Variants in PPARGC1A observed in about 807,000 individuals in gnomAD.
PPARGC1A encodes the protein PPARG coactivator 1 alpha, also known as peroxisome proliferator-activated receptor gamma coactivator 1-alpha.
A neutral mutation model predicts 88.7 loss-of-function variants in PPARGC1A; 25 were observed. The observed-to-expected ratio is 0.28, with a 90% CI of 0.21 to 0.39. PPARGC1A has a LOEUF of 0.39. PPARGC1A is among the 10% of genes least tolerant of loss of function. PPARGC1A has a pLI of 1.00. For synonymous variants in PPARGC1A, 363 were observed against 355.6 expected (o/e 1.02, Z -0.24); for missense variants, 880 against 968.7 (o/e 0.91, Z 1.22).
chr4:24,305,334 A>G, the PPARGC1A span, among the ~76,000 whole-genome samples: 12 of 152,040 alleles, frequency 7.9e-5, no homozygotes, highest in Admixed American at 2.0e-4. Context: ...AGAGTGAAAC[A>G]GATCTGTATT....
chr4:23,891,282 T>C (rs924257443), upstream of PPARGC1A, among the ~76,000 whole-genome samples: 1 of 152,220 alleles, frequency 6.6e-6, no homozygotes, highest in Admixed American at 6.5e-5. Context: ...TGTATCTGTG[T>C]GAATAAACAT....
the PPARGC1A span, among the ~76,000 whole-genome samples, chr4:24,153,486 AGC>A: frequency 6.6e-6 from 1 of 152,210 alleles, no homozygotes; most frequent in African/African-American, 2.4e-5. Flanking sequence ...AAGTATAAAT[AGC>A]AATTATCAGC....
At chr4:23,938,242 G>T in the PPARGC1A span, among the ~76,000 whole-genome samples, 1 of 152,134 alleles carries the variant, frequency 6.6e-6, no homozygotes, top group Non-Finnish European at 1.5e-5. Flanking sequence ...GGTATCTTGA[G>T]TAAGAATTGT....
the PPARGC1A span, among the ~76,000 whole-genome samples, chr4:24,447,767 A>G: frequency 1.2e-4 from 18 of 152,272 alleles, no homozygotes; most frequent in African/African-American, 4.3e-4. Flanking sequence ...TGCCCCATTT[A>G]GGTCCTAAAC....
the PPARGC1A span, among the ~76,000 whole-genome samples, chr4:23,931,426 C>T: frequency 4.0e-4 from 60 of 151,848 alleles, no homozygotes; most frequent in Middle Eastern, 3.4e-3. Context: ...TCTGTATCCC[C>T]GCCCTGACTT....
chr4:23,804,188 C>T lies in PPARGC1A; in HGVS notation c.2020-1843G>A, dbSNP rs528813206. Among the ~76,000 whole-genome samples, 30 of 152,254 alleles carry T rather than the reference C, an allele frequency of 2.0e-4. No individual in the cohort carries two copies. The South Asian group carries it at 4.4e-3, about 22-fold the overall frequency. On this transcript the variant is annotated intron_variant, in intron 10 of 12. Coordinates refer to ENST00000264867, the MANE Select transcript of PPARGC1A (RefSeq NM_013261.5). ...ACACTACACCAACATTACCGAAGCC[C>T]GACCCTCCAGCCTTGCCCTCTCCCC...
chr4:24,318,553 G>A, the PPARGC1A span, among the ~76,000 whole-genome samples: 3 of 152,248 alleles, frequency 2.0e-5, no homozygotes, highest in Middle Eastern at 3.4e-3. Context: ...GCATTCCTGC[G>A]GACAGTTTCA....
At chr4:24,097,833 G>T in the PPARGC1A span, among the ~76,000 whole-genome samples, 1 of 152,216 alleles carries the variant, frequency 6.6e-6, no homozygotes, top group East Asian at 1.9e-4. Context: ...AACCTGAACT[G>T]CAGTGACACC....
chr4:23,926,495 T>C, the PPARGC1A span, among the ~76,000 whole-genome samples: 3 of 152,192 alleles, frequency 2.0e-5, no homozygotes, highest in African/African-American at 4.8e-5. Flanking sequence ...CCTACCTTAG[T>C]GTCTATCATT....
At chr4:24,007,646 C>T in the PPARGC1A span, among the ~76,000 whole-genome samples, 1 of 152,140 alleles carries the variant, frequency 6.6e-6, no homozygotes, top group African/African-American at 2.4e-5. Flanking sequence ...GAGAAGGCCA[C>T]ATCCCTGGAG....
At chr4:24,171,140 G>T in the PPARGC1A span, among the ~76,000 whole-genome samples, 2 of 151,976 alleles carry the variant, frequency 1.3e-5, no homozygotes, top group African/African-American at 2.4e-5. Flanking sequence ...GGCCAGGCGC[G>T]GTGGCTCACG....
At chr4:24,394,644 G>C in the PPARGC1A span, among the ~76,000 whole-genome samples, 5 of 152,202 alleles carry the variant, frequency 3.3e-5, no homozygotes, top group Non-Finnish European at 7.3e-5. Flanking sequence ...TACCACGCTT[G>C]CACGCTGTAT....
chr4:23,952,070 T>C, the PPARGC1A span, among the ~76,000 whole-genome samples: 4 of 152,098 alleles, frequency 2.6e-5, no homozygotes, highest in South Asian at 8.3e-4. Context: ...TTGAGGCTAT[T>C]GTACAAACCA....
At chr4:24,108,455 A>C in the PPARGC1A span, among the ~76,000 whole-genome samples, 4 of 152,210 alleles carry the variant, frequency 2.6e-5, no homozygotes, top group Non-Finnish European at 5.9e-5. Context: ...GTATTATTAT[A>C]CTATACTAAT....
intron 2 of PPARGC1A, among the ~76,000 whole-genome samples, chr4:23,855,977 C>A (rs899868946): frequency 1.3e-5 from 2 of 152,158 alleles, no homozygotes; most frequent in Admixed American, 1.3e-4. Context: ...ACTTAATAAA[C>A]AATAATTGAA....
At chr4:24,069,623 C>T in the PPARGC1A span, among the ~76,000 whole-genome samples, 2 of 152,094 alleles carry the variant, frequency 1.3e-5, no homozygotes, top group Non-Finnish European at 2.9e-5. Context: ...AATATCTTCT[C>T]CAGAAGCCAC....
chr4:24,100,624 A>G, the PPARGC1A span, among the ~76,000 whole-genome samples: 1 of 152,194 alleles, frequency 6.6e-6, no homozygotes, highest in Non-Finnish European at 1.5e-5. Flanking sequence ...AGAAAATACC[A>G]AATGAGGAGA....
chr4:24,214,092 T>A, the PPARGC1A span, among the ~76,000 whole-genome samples: 230 of 152,328 alleles, frequency 1.5e-3, no homozygotes, highest in Middle Eastern at 3.4e-3. Flanking sequence ...TTCCTCCCAA[T>A]CTGGAATATC....
At chr4:24,115,044 G>A in the PPARGC1A span, among the ~76,000 whole-genome samples, 5 of 152,184 alleles carry the variant, frequency 3.3e-5, no homozygotes, top group South Asian at 2.1e-4. Context: ...AAGCATTCCC[G>A]GTAATGCATT....
Sources: allele counts gnomAD v4.1 joint callset (sites outside exome capture counted in the v4.1 genomes callset), GRCh38; gene constraint gnomAD v4.1.1; transcripts MANE v1.5; gene names NCBI Gene and HGNC (gene_info 2026-07-23, HGNC 2026-07-21).